NRDE2: variants seen among roughly 807,000 people sequenced by gnomAD.
The protein encoded by NRDE2 is NRDE-2, necessary for RNA interference, domain containing, also known as nuclear exosome regulator NRDE2.
Under a neutral mutation model 124.2 loss-of-function variants are expected in NRDE2, and 76 were observed. That is an observed-to-expected ratio of 0.61 (90% CI 0.51 to 0.74). The LOEUF (loss-of-function observed/expected upper bound fraction) is 0.74. Ranked by LOEUF, NRDE2 falls within the 30% of genes least tolerant of loss-of-function variation. The pLI is 0.00. For synonymous variants in NRDE2, 489 were observed against 528.1 expected (o/e 0.93, Z 1.01); for missense variants, 1,314 against 1,417.3 (o/e 0.93, Z 1.17).
intron 1 of NRDE2, among the ~76,000 whole-genome samples, chr14:90,330,206 C>CAAA (rs5810495): frequency 0.056 from 7,421 of 131,894 alleles, 342 homozygotes; most frequent in African/African-American, 0.12. Context: ...GACTTGGTCT[C>CAAA]AAAAAAAAAA....
In NRDE2 at chr14:90,273,708, GATT is replaced by G. The variant is rs1175125094; in HGVS notation, c.*4625_*4627del. 1.9e-5 allele frequency: 3 copies of G among 154,492 alleles called. No homozygotes were observed. 9.6% of individuals were successfully genotyped at this position (154,492 alleles called of 1,614,324 possible). A position where few individuals can be genotyped will look rare whatever the true frequency, so the allele number is the denominator to read the frequency against. On this transcript the variant is annotated 3_prime_UTR_variant, in exon 14 of 14. Coordinates refer to ENST00000354366, the MANE Select transcript of NRDE2 (RefSeq NM_017970.4). ...AGGGAGAATCCGTTTCCTTGCTGAG[GATT>G]ATTGTTGGCAGAATTTAATTTCTTG...
chr14:90,287,030 T>C (rs1892123812), intron 11 of NRDE2, among the ~76,000 whole-genome samples: 1 of 48,466 alleles, frequency 2.1e-5, no homozygotes. Context: ...TGAGACTCCG[T>C]CTCAAAAAAA....
At chr14:90,320,848 G>C (rs950856409) in intron 1 of NRDE2, among the ~76,000 whole-genome samples, 1 of 152,130 alleles carries the variant, frequency 6.6e-6, no homozygotes, top group African/African-American at 2.4e-5. Context: ...TTTTATAGAA[G>C]AGGAAACTAA....
Position 90,312,465 on chromosome 14 carries a change from G to C in NRDE2, c.486C>G (p.Thr162=). The C allele has an allele frequency of 6.2e-7, 1 of 1,614,088 alleles. No individual in the cohort carries two copies. ...LEDIQAVTGE[T]FRTDKKPDPA... ...GATCTGGTTTCTTATCTGTTCTGAA[G>C]GTTTCTCCCGTCACAGCCTGAATGT... is the stretch of plus-strand genomic sequence containing the variant. The change falls in exon 4 of 14, where the codon ACC becomes ACG. Residue 162 remains threonine, a synonymous_variant. Coordinates refer to ENST00000354366, the MANE Select transcript of NRDE2 (RefSeq NM_017970.4).
At position 90,288,372 on chromosome 14, in the gene NRDE2, C is replaced by G. The variant is rs1240227166; in HGVS notation, c.3003G>C (p.Trp1001Cys). 2.5e-6 allele frequency: 4 copies of G among 1,614,170 alleles called. No homozygotes were observed. The highest frequency in any genetic ancestry group is 3.4e-6 in the Non-Finnish European group (4 of 1,180,034). ...TATTCTGAATCTGTACATAGGACCT[C>G]CAAAGAACCTGGTTGCCTGGATACA... ...LKLYPGNQVL[W>C]RSYVQIQNKS... is the part of the protein sequence containing the mutation. Residue 1001 changes from tryptophan (W) to cysteine (C), a missense_variant, in exon 11 of 14, where the codon TGG becomes TGC. Transcript: ENST00000354366.
At chr14:90,287,515 G>A (rs1892140925) in intron 11 of NRDE2, among the ~76,000 whole-genome samples, 1 of 152,128 alleles carries the variant, frequency 6.6e-6, no homozygotes, top group Non-Finnish European at 1.5e-5. Context: ...CAGCTACCGG[G>A]GAGACTGAGG....
rs1891696506 is a variant in NRDE2 at position 90,272,520 on chromosome 14, A to G, written c.*5816T>C. On this transcript the variant is annotated 3_prime_UTR_variant, in exon 14 of 14. Coordinates refer to ENST00000354366, the MANE Select transcript of NRDE2 (RefSeq NM_017970.4). This position sits in a 1 kb window ranked among gnomAD's most constrained non-coding sequence, Gnocchi z 4.5. ...CTGTTCCCACTGATTTTTATTAGCA[A>G]AACATCCTGTGTCTTTTGGAGTACG... is the stretch of plus-strand genomic sequence containing the variant. 1.5e-6 allele frequency: 1 copy of G among 676,224 alleles called. No homozygotes were observed. The highest frequency in any genetic ancestry group is 2.5e-6 in the Non-Finnish European group (1 of 401,380). The allele number at this position is 676,224 out of a possible 1,614,324, so 41.9% of individuals were successfully genotyped here.
chr14:90,303,577 C>G (rs562443341), intron 5 of NRDE2, among the ~76,000 whole-genome samples: 2 of 152,320 alleles, frequency 1.3e-5, no homozygotes, highest in Admixed American at 1.3e-4. Context: ...TCTGCCTGTT[C>G]TGTTTGTACT....
chr14:90,279,413 T>C (rs1891892813), intron 12 of NRDE2: 1 of 351,114 alleles, frequency 2.8e-6, no homozygotes, highest in South Asian at 5.0e-5. Flanking sequence ...CCTCCTTTGC[T>C]GTAGGCTGTC....
rs187401609 is a variant in NRDE2, at chr14:90,304,389, T to C, written c.558-7A>G. 2.5e-6 allele frequency: 4 copies of C among 1,573,442 alleles called. No homozygotes were observed. The South Asian group carries it at 4.7e-5, about 18-fold the overall frequency. ...GTCTCCTTTCCTCTTGTATCTGATA[T>C]TAGAAAAAGAAAAAAAGTTACTGAG... On this transcript the variant is annotated splice_polypyrimidine_tract_variant and splice_region_variant and intron_variant, in intron 4 of 13. Transcript: ENST00000354366.
chr14:90,306,571 G>A (rs1236807613), intron 4 of NRDE2, among the ~76,000 whole-genome samples: 1 of 152,184 alleles, frequency 6.6e-6, no homozygotes, highest in Non-Finnish European at 1.5e-5. Flanking sequence ...AGCACTTTGG[G>A]AGGCTGAGGC....
At position 90,290,392 on chromosome 14, in the gene NRDE2, C is replaced by T. The variant is rs1455097780; in HGVS notation, c.2058G>A (p.Gly686=). Residue 686 remains glycine (G), a synonymous_variant, in exon 10 of 14, where the codon GGG becomes GGA. Coordinates refer to ENST00000354366, the MANE Select transcript of NRDE2 (RefSeq NM_017970.4). The part of the protein sequence containing the change: ...PLTFFNPLFS[G]ASCVGRMDRL... ...TATCCATGCGGCCAACACAGCTAGC[C>T]CCAGAAAACAAAGGGTTGAAAAAAG... The T allele has an allele frequency of 3.1e-6, 5 of 1,613,914 alleles. No individual in the cohort carries two copies. The highest frequency in any genetic ancestry group is 2.2e-5 in the South Asian group (2 of 91,084).
chr14:90,278,956 C>T, intron 13 of NRDE2, 106 bp downstream of exon 13: 1 of 793,168 alleles, frequency 1.3e-6, no homozygotes, highest in Non-Finnish European at 2.2e-6. Flanking sequence ...CGTCCATGAG[C>T]CGAGCATCCC....
chr14:90,289,011 A>C lies in NRDE2; in HGVS notation c.2364T>G (p.His788Gln). The change falls in exon 11 of 14, where the codon CAT (histidine) becomes CAG (glutamine). Residue 788 changes from histidine (H) to glutamine (Q), a missense_variant. His to Gln is a conservative substitution (Grantham distance 24). Transcript: ENST00000354366. Reference protein sequence around the residue: ...NNFCLWKQYAHLEWLLGNTED... With the variant: ...NNFCLWKQYAQLEWLLGNTED... Reference sequence around the variant, plus strand: ...CCGTGTTGCCAAGCAACCACTCCAGATGTGCATACTGCTTCCACAGGCAAA... The same window carrying C: ...CCGTGTTGCCAAGCAACCACTCCAGCTGTGCATACTGCTTCCACAGGCAAA... 1 of 1,614,146 alleles carries C rather than the reference A, an allele frequency of 6.2e-7. No individual in the cohort carries two copies. The highest frequency in any genetic ancestry group is 8.5e-7 in the Non-Finnish European group (1 of 1,179,978).
At chr14:90,298,167 G>T in intron 8 of NRDE2, 93 bp downstream of exon 8, 1 of 1,327,030 alleles carries the variant, frequency 7.5e-7, no homozygotes, top group Non-Finnish European at 1.1e-6. Context: ...TGAAGCTACT[G>T]ATAAATAGCT....
At position 90,316,662 on chromosome 14, in the gene NRDE2, CT is replaced by C. The variant is rs1885059273; in HGVS notation, c.322del (p.Ser108AlafsTer51). On this transcript the variant is annotated frameshift_variant, in exon 3 of 14. Transcript: ENST00000354366. LOFTEE classifies it high-confidence loss of function. ...TKRKHGPSSSSRSETDTDSEK... is the reference protein window; with the variant it reads ...TKRKHGPSSSXRSETDTDSEK... Reference sequence around the variant, plus strand: ...AGAATCGGTGTCTGTCTCAGACCTGCTGCTACTCGACGGCCCATGCTTCCTC... The same window carrying C: ...AGAATCGGTGTCTGTCTCAGACCTGCGCTACTCGACGGCCCATGCTTCCTC... The C allele has an allele frequency of 6.2e-7, 1 of 1,614,158 alleles. No individual in the cohort carries two copies. The highest frequency in any genetic ancestry group is 8.5e-7 in the Non-Finnish European group (1 of 1,180,034).
intron 4 of NRDE2, among the ~76,000 whole-genome samples, chr14:90,310,592 CT>C (rs576530809): frequency 1.4e-3 from 217 of 150,968 alleles, no homozygotes; most frequent in African/African-American, 5.2e-3. Flanking sequence ...ACAATCTTGG[CT>C]CACTGCAACC....
At chr14:90,330,745 C>T (rs926344571) in intron 1 of NRDE2, among the ~76,000 whole-genome samples, 115 of 149,274 alleles carry the variant, frequency 7.7e-4, no homozygotes, top group African/African-American at 2.7e-3. Context: ...GAGTCTGAGG[C>T]GGCAGTGAGT....
At chr14:90,331,717 AGC>A in intron 1 of NRDE2, 122 bp downstream of exon 1, 1 of 1,095,178 alleles carries the variant, frequency 9.1e-7, no homozygotes, top group Non-Finnish European at 1.4e-6. Context: ...AAGGCTTTGC[AGC>A]GCCGCGGAGA....
Sources: gnomAD v4.1 joint callset for allele counts (sites outside exome capture counted in the v4.1 genomes callset) on GRCh38, gnomAD v4.1.1 for gene constraint, Gnocchi (gnomAD v3.1) non-coding constraint, MANE v1.5 for transcripts, NCBI Gene and HGNC (gene_info 2026-07-23, HGNC 2026-07-21) for gene names.